RNF220: variants seen among roughly 807,000 people sequenced by gnomAD.
RNF220 encodes E3 ubiquitin-protein ligase RNF220.
A neutral mutation model predicts 67.1 loss-of-function variants in RNF220; 7 were observed. The ratio of observed to expected loss-of-function variants is 0.10; its 90% confidence interval spans 0.06 to 0.20. The LOEUF (loss-of-function observed/expected upper bound fraction) is 0.20. Ranked by LOEUF, RNF220 falls within the 10% of genes least tolerant of loss-of-function variation. The probability of loss-of-function intolerance (pLI) is 1.00; values close to 1 mark genes in which losing one functional copy is unlikely to be tolerated. For synonymous variants in RNF220, 270 were observed against 283.2 expected (o/e 0.95, Z 0.47); for missense variants, 565 against 740.3 (o/e 0.76, Z 2.75).
chr1:44,410,641 G>T (rs556247741), intron 1 of RNF220: 1 of 152,204 alleles, frequency 6.6e-6, no homozygotes, highest in African/African-American at 2.4e-5. Flanking sequence ...TTCATCTACC[G>T]TTTAACTGAT....
intron 2 of RNF220, among the ~76,000 whole-genome samples, chr1:44,520,281 T>G (rs1466144874): frequency 6.6e-6 from 1 of 151,722 alleles, no homozygotes; most frequent in Non-Finnish European, 1.5e-5. Flanking sequence ...GCTAACACAG[T>G]GAAACCCCGT....
intron 8 of RNF220, among the ~76,000 whole-genome samples, chr1:44,640,058 G>A (rs961546499): frequency 1.2e-4 from 19 of 152,236 alleles, no homozygotes; most frequent in Non-Finnish European, 2.2e-4. Flanking sequence ...CCAAAGTGCT[G>A]GGATTACAGG....
At chr1:44,608,427 G>A (rs1258901970) in intron 2 of RNF220, among the ~76,000 whole-genome samples, 1 of 152,192 alleles carries the variant, frequency 6.6e-6, no homozygotes, top group Non-Finnish European at 1.5e-5. Context: ...TGGGTAGGTA[G>A]GTAGGTAGTT....
chr1:44,538,918 GAAAAAAA>G (rs35240810), intron 2 of RNF220, among the ~76,000 whole-genome samples: 9 of 77,888 alleles, frequency 1.2e-4, no homozygotes, highest in African/African-American at 4.0e-4. Flanking sequence ...TCCATCTAGG[GAAAAAAA>G]AAAAAAAAAA....
chr1:44,606,836 G>A lies in RNF220; in HGVS notation c.626-7329G>A, dbSNP rs115027754. Among the ~76,000 whole-genome samples, 491 of 152,178 alleles carry A rather than the reference G, an allele frequency of 3.2e-3. 5 individuals carry two copies. The highest frequency in any genetic ancestry group is 0.011 in the African/African-American group (461 of 41,504). On this transcript the variant is annotated intron_variant, in intron 2 of 14. Transcript: ENST00000361799. The surrounding 1 kb of genome is among the most constrained non-coding windows in gnomAD (Gnocchi z 4.2). ...CACAGAGGACACAGTGGTGAGCTTCGGTGCTCTATGTCAATGTCTCCCGGG... is the reference window on the plus strand; with the variant it reads ...CACAGAGGACACAGTGGTGAGCTTCAGTGCTCTATGTCAATGTCTCCCGGG...
chr1:44,546,657 G>C (rs1662179925), intron 2 of RNF220, among the ~76,000 whole-genome samples: 1 of 152,164 alleles, frequency 6.6e-6, no homozygotes, highest in Non-Finnish European at 1.5e-5. Flanking sequence ...TGGAGTGCTT[G>C]CTTCAGAGTC....
chr1:44,521,111 G>C (rs1033903713), intron 2 of RNF220, among the ~76,000 whole-genome samples: 1 of 152,056 alleles, frequency 6.6e-6, no homozygotes, highest in African/African-American at 2.4e-5. Context: ...TTCCCAGGCT[G>C]ATCTGGAACT....
chr1:44,532,251 G>T (rs1226494575), intron 2 of RNF220, among the ~76,000 whole-genome samples: 1 of 152,208 alleles, frequency 6.6e-6, no homozygotes, highest in Non-Finnish European at 1.5e-5. Flanking sequence ...TATGAATGCG[G>T]CTGGAAGTCA....
At chr1:44,552,639 C>G (rs902434593) in intron 2 of RNF220, among the ~76,000 whole-genome samples, 13 of 119,678 alleles carry the variant, frequency 1.1e-4, no homozygotes, top group Admixed American at 2.3e-4. Context: ...TGCGCAATCT[C>G]GGCTCCCTGC....
intron 2 of RNF220, among the ~76,000 whole-genome samples, chr1:44,607,771 A>G (rs548594131): frequency 6.0e-4 from 91 of 151,754 alleles, no homozygotes; most frequent in Non-Finnish European, 1.0e-3. Flanking sequence ...TTACAGGCAT[A>G]AGCCACCACG....
At chr1:44,491,457 T>C (rs1477581664) in intron 2 of RNF220, among the ~76,000 whole-genome samples, 1 of 152,090 alleles carries the variant, frequency 6.6e-6, no homozygotes, top group East Asian at 1.9e-4. Flanking sequence ...AATAAATCAA[T>C]GTAATATACC....
chr1:44,500,429 C>T (rs1375827970), intron 2 of RNF220, among the ~76,000 whole-genome samples: 3 of 152,316 alleles, frequency 2.0e-5, no homozygotes, highest in Non-Finnish European at 4.4e-5. Context: ...ACCTGGCACT[C>T]TCTGGCTCCT....
intron 2 of RNF220, among the ~76,000 whole-genome samples, chr1:44,578,275 A>C (rs1233901637): frequency 6.6e-6 from 1 of 151,144 alleles, no homozygotes; most frequent in Non-Finnish European, 1.5e-5. Flanking sequence ...CAGCCTCCCA[A>C]GTAGCTGGGA....
chr1:44,509,521 G>A (rs1465182081), intron 2 of RNF220, among the ~76,000 whole-genome samples: 2 of 146,348 alleles, frequency 1.4e-5, no homozygotes, highest in African/African-American at 5.1e-5. Flanking sequence ...CTGCCCTCCA[G>A]CCTGGGCAAC....
chr1:44,646,650 C>T (rs1162104224), intron 12 of RNF220, among the ~76,000 whole-genome samples: 2 of 152,138 alleles, frequency 1.3e-5, no homozygotes, highest in African/African-American at 2.4e-5. Context: ...GGATGGCGCC[C>T]GAGGGGGAGG....
At chr1:44,443,308 T>A (rs1331831578) in intron 2 of RNF220, among the ~76,000 whole-genome samples, 1 of 152,224 alleles carries the variant, frequency 6.6e-6, no homozygotes, top group Admixed American at 6.5e-5. Context: ...TCACCCCTTA[T>A]AACTAATCAA....
intron 2 of RNF220, among the ~76,000 whole-genome samples, chr1:44,551,998 G>A (rs1662673227): frequency 6.6e-6 from 1 of 152,222 alleles, no homozygotes. Context: ...CATTTGATGT[G>A]TGCCAGTGGA....
At chr1:44,539,964 C>A (rs1255036344) in intron 2 of RNF220, among the ~76,000 whole-genome samples, 1 of 152,228 alleles carries the variant, frequency 6.6e-6, no homozygotes, top group Non-Finnish European at 1.5e-5. Flanking sequence ...CTCTTACTAA[C>A]CTGACCTCTG....
At chr1:44,443,260 A>G (rs898823893) in intron 2 of RNF220, among the ~76,000 whole-genome samples, 5 of 152,200 alleles carry the variant, frequency 3.3e-5, no homozygotes, top group Non-Finnish European at 5.9e-5. Context: ...TTATCATGCT[A>G]ATGTTATTCA....
Sources: allele counts gnomAD v4.1 joint callset (sites outside exome capture counted in the v4.1 genomes callset), GRCh38; gene constraint gnomAD v4.1.1; non-coding constraint Gnocchi (gnomAD v3.1); transcripts MANE v1.5; gene names NCBI Gene and HGNC (gene_info 2026-07-23, HGNC 2026-07-21).